Variants in UNC5D observed in about 807,000 individuals in gnomAD.
UNC5D encodes netrin receptor UNC5D.
In UNC5D, 39 loss-of-function variants were observed where a neutral mutation model predicts 105.4. That is an observed-to-expected ratio of 0.37 (90% CI 0.29 to 0.48). The LOEUF (loss-of-function observed/expected upper bound fraction) is 0.48. Ranked by LOEUF, UNC5D falls within the 20% of genes least tolerant of loss-of-function variation. The pLI, the probability that UNC5D is intolerant of heterozygous loss-of-function variation, is 0.98. For synonymous variants in UNC5D, 452 were observed against 450.4 expected (o/e 1.00, Z -0.04); for missense variants, 991 against 1,202.4 (o/e 0.82, Z 2.60).
chr8:35,511,474 T>TAAA (rs60185539), intron 1 of UNC5D, among the ~76,000 whole-genome samples: 5 of 96,948 alleles, frequency 5.2e-5, no homozygotes, highest in Admixed American at 9.9e-5. Flanking sequence ...CCTCTAAGAT[T>TAAA]AAAAAAAAAA....
intron 1 of UNC5D, among the ~76,000 whole-genome samples, chr8:35,290,723 C>G (rs948570437): frequency 6.6e-6 from 1 of 151,886 alleles, no homozygotes; most frequent in Non-Finnish European, 1.5e-5. Flanking sequence ...CCAAGGCGGG[C>G]GGATCACCTG....
At chr8:35,552,123 A>G (rs1368763069) in intron 2 of UNC5D, among the ~76,000 whole-genome samples, 4 of 152,222 alleles carry the variant, frequency 2.6e-5, no homozygotes, top group Admixed American at 6.5e-5. Flanking sequence ...AGAAAAAAAC[A>G]AAAGTGCCCC....
chr8:35,649,876 C>T (rs1055529431), intron 4 of UNC5D, among the ~76,000 whole-genome samples: 1 of 152,102 alleles, frequency 6.6e-6, no homozygotes, highest in African/African-American at 2.4e-5. Context: ...CCTGGAGAAA[C>T]CCGATGACTG....
intron 1 of UNC5D, among the ~76,000 whole-genome samples, chr8:35,329,400 GATATATATATAT>G (rs36221011): frequency 0.031 from 4,575 of 147,320 alleles, 250 homozygotes; most frequent in African/African-American, 0.11. Context: ...TTATTGGGTT[GATATATATATAT>G]ATATATATAT....
chr8:35,423,852 CTTTTTTTTT>C (rs200270722), intron 1 of UNC5D, among the ~76,000 whole-genome samples: 3 of 135,118 alleles, frequency 2.2e-5, no homozygotes, highest in Non-Finnish European at 4.8e-5. Flanking sequence ...ATAAGGAGTA[CTTTTTTTTT>C]TTTTTTTTTG....
chr8:35,557,034 G>T (rs1816601557), intron 2 of UNC5D, among the ~76,000 whole-genome samples: 1 of 152,190 alleles, frequency 6.6e-6, no homozygotes, highest in Admixed American at 6.5e-5. Flanking sequence ...GAAAGTCATT[G>T]ATTGAAGCAA....
chr8:35,450,119 G>A (rs1428000621), intron 1 of UNC5D, among the ~76,000 whole-genome samples: 3 of 152,162 alleles, frequency 2.0e-5, no homozygotes, highest in Non-Finnish European at 4.4e-5. Context: ...CCTCTGCTGA[G>A]TTTTAAGCTG....
At chr8:35,704,457 G>A (rs944500270) in intron 7 of UNC5D, among the ~76,000 whole-genome samples, 1 of 152,206 alleles carries the variant, frequency 6.6e-6, no homozygotes, top group Non-Finnish European at 1.5e-5. Flanking sequence ...GTTCTCAAAT[G>A]TGTACCGTAC....
chr8:35,525,748 C>G, intron 1 of UNC5D: 1 of 1,561,424 alleles, frequency 6.4e-7, no homozygotes, highest in Non-Finnish European at 8.7e-7. Flanking sequence ...AAGTACTCGC[C>G]CGGAGGAGCC....
rs562080418 is a variant in UNC5D at position 35,313,973 on chromosome 8, C to T, written c.103+78086C>T. On this transcript the variant is annotated intron_variant, in intron 1 of 16. Coordinates refer to ENST00000404895, the MANE Select transcript of UNC5D (RefSeq NM_080872.4). ...TAAATTTTTTTTATGCTTCATTGAGCGCAAGAAAGGTGTCAGGAGAATGGA... is the reference window on the plus strand; with the variant it reads ...TAAATTTTTTTTATGCTTCATTGAGTGCAAGAAAGGTGTCAGGAGAATGGA... Among the ~76,000 whole-genome samples the T allele has an allele frequency of 1.3e-4, 20 of 152,086 alleles. No individual in the cohort carries two copies. The East Asian group carries it at 1.9e-3, about 15-fold the overall frequency.
intron 4 of UNC5D, among the ~76,000 whole-genome samples, chr8:35,596,598 T>C (rs918866792): frequency 6.6e-6 from 1 of 152,126 alleles, no homozygotes; most frequent in African/African-American, 2.4e-5. Flanking sequence ...TTTGGTTTTA[T>C]ACATTTTAGG....
In UNC5D at chr8:35,686,615, G is replaced by C. The variant is rs1826026069; in HGVS notation, c.990G>C (p.Arg330=). The C allele has an allele frequency of 6.2e-7, 1 of 1,608,552 alleles. No homozygotes were observed. The highest frequency in any genetic ancestry group is 8.5e-7 in the Non-Finnish European group (1 of 1,178,544). ...CAGAGTGTGAACATTTGCGGATCCG[G>C]GAGTGCACAGCACCACCCCCGAGAA... ...CSPECEHLRI[R]ECTAPPPRNG... is the part of the protein sequence containing the mutation. Residue 330 remains arginine (R), a synonymous_variant, in exon 7 of 17, where the codon CGG becomes CGC. Transcript: ENST00000404895.
chr8:35,684,646 G>A lies in UNC5D; in HGVS notation c.816G>A (p.Trp272Ter), dbSNP rs772337809. Residue 272 changes from tryptophan (W) to a stop codon, truncating the protein, a stop_gained, in exon 6 of 17, where the codon TGG becomes TGA. Transcript: ENST00000404895. LOFTEE classifies it high-confidence loss of function. Reference sequence around the variant, plus strand: ...GCAATGTTCGCTGTGGTAGAGGATGGCAGAAACGTTCCCGGACCTGCACCA... The same window carrying A: ...GCAATGTTCGCTGTGGTAGAGGATGACAGAAACGTTCCCGGACCTGCACCA... Reference protein sequence around the residue: ...SACNVRCGRGWQKRSRTCTNP... With the variant: ...SACNVRCGRG 6.2e-7 allele frequency: 1 copy of A among 1,613,850 alleles called. No homozygotes were observed.
chr8:35,336,737 C>G (rs1406546478), intron 1 of UNC5D, among the ~76,000 whole-genome samples: 1 of 151,912 alleles, frequency 6.6e-6, no homozygotes, highest in Admixed American at 6.6e-5. Flanking sequence ...AAGAATCCTC[C>G]CTGGAGGAGA....
At chr8:35,437,137 C>T (rs1807070700) in intron 1 of UNC5D, among the ~76,000 whole-genome samples, 1 of 151,896 alleles carries the variant, frequency 6.6e-6, no homozygotes, top group Non-Finnish European at 1.5e-5. Context: ...CTGTGCCTGG[C>T]TCATACTTCG....
chr8:35,350,124 A>AC (rs1233746239), intron 1 of UNC5D, among the ~76,000 whole-genome samples: 24 of 152,004 alleles, frequency 1.6e-4, no homozygotes, highest in Non-Finnish European at 1.6e-4. Context: ...AGTTCTGGAA[A>AC]CCATGTTTTG....
intron 15 of UNC5D, among the ~76,000 whole-genome samples, chr8:35,771,809 G>GA (rs1802023688): frequency 6.6e-6 from 1 of 152,182 alleles, no homozygotes; most frequent in Admixed American, 6.5e-5. Flanking sequence ...GTGCTATAGT[G>GA]AAATAAGTAC....
chr8:35,452,452 G>C (rs927440442), intron 1 of UNC5D, among the ~76,000 whole-genome samples: 7 of 151,918 alleles, frequency 4.6e-5, no homozygotes, highest in African/African-American at 1.5e-4. Context: ...TTTTAGTAGG[G>C]ACAGGGTTTC....
intron 7 of UNC5D, among the ~76,000 whole-genome samples, chr8:35,699,265 G>C (rs756766961): frequency 6.6e-6 from 1 of 151,968 alleles, no homozygotes; most frequent in Non-Finnish European, 1.5e-5. Flanking sequence ...AGTCCCCCCA[G>C]TTTGAAAGAA....
Sources: gnomAD v4.1 joint callset for allele counts (sites outside exome capture counted in the v4.1 genomes callset) on GRCh38, gnomAD v4.1.1 for gene constraint, MANE v1.5 for transcripts, NCBI Gene and HGNC (gene_info 2026-07-23, HGNC 2026-07-21) for gene names.